The following CALHM3 variants were observed in gnomAD, a reference collection of about 807,000 sequenced individuals.
CALHM3 encodes the protein calcium homeostasis modulator 3.
Under a neutral mutation model 13.6 loss-of-function variants are expected in CALHM3, and 9 were observed. The observed-to-expected ratio is 0.66, with a 90% confidence interval of 0.40 to 1.15. The LOEUF (loss-of-function observed/expected upper bound fraction) is 1.15, where lower values mean the gene tolerates loss of function less well. Among genes scored for constraint, CALHM3 ranks in the 50% most tolerant of loss-of-function variants. CALHM3 has a pLI of 0.01. For synonymous variants in CALHM3, 231 were observed against 213.2 expected (o/e 1.08, Z -0.73); for missense variants, 497 against 463.4 (o/e 1.07, Z -0.67).
chr10:103,473,279 AC>A lies in CALHM3; in HGVS notation c.968del (p.Gly323ValfsTer40). 6.9e-7 allele frequency: 1 copy of A among 1,458,604 alleles called. No individual in the cohort carries two copies. Among genetic ancestry groups the A allele is most frequent in the South Asian group, 1.5e-5 (1 of 68,846 alleles). The allele number at this position is 1,458,604 out of a possible 1,614,324, so 90.4% of individuals were successfully genotyped here. ...DLAASPGLCG[G>X]GLSHRAPTLA... is the part of the protein sequence containing the mutation. Reference sequence around the variant, plus strand: ...AGGTAGGGGCGCGGTGGCTAAGGCCACCCCCGCAGAGCCCGGGGGATGCAGC... The same window carrying A: ...AGGTAGGGGCGCGGTGGCTAAGGCCACCCCGCAGAGCCCGGGGGATGCAGC... On this transcript the variant is annotated frameshift_variant, in exon 3 of 3. Transcript: ENST00000369783. LOFTEE classifies it low-confidence loss of function (END_TRUNC).
Position 103,473,346 on chromosome 10 carries a change from A to C in CALHM3, c.902T>G (p.Leu301Arg), listed in dbSNP as rs1422760130. 3 of 1,505,370 alleles carry C rather than the reference A, an allele frequency of 2.0e-6. No individual in the cohort carries two copies. The highest frequency in any genetic ancestry group is 2.7e-6 in the Non-Finnish European group (3 of 1,121,630). The allele number at this position is 1,505,370 out of a possible 1,614,324, so 93.3% of individuals were successfully genotyped here. A position where few individuals can be genotyped will look rare whatever the true frequency, so the allele number is the denominator to read the frequency against. ...AISSREQVDR[L>R]LSTWYSSKPP... ...CTTGCTGGAGTACCACGTGCTTAGG[A>C]GGCGGTCCACCTGCTCCCGGCTGGA... Residue 301 changes from leucine to arginine, a missense_variant, in exon 3 of 3, where the codon CTC (leucine) becomes CGC (arginine). Transcript: ENST00000369783.
chr10:103,478,609 C>A lies in CALHM3; in HGVS notation c.287+137G>T, dbSNP rs191967318. 170 of 886,780 alleles carry A rather than the reference C, an allele frequency of 1.9e-4. No individual in the cohort carries two copies. The East Asian group carries it at 4.4e-3, about 23-fold the overall frequency. The allele number at this position is 886,780 out of a possible 1,614,324, so 54.9% of individuals were successfully genotyped here. ...TGGGGAAAGGAGAGGGCGCACCTGG[C>A]AGTACCTGTAGGGTGGGTGGAGAAT... On this transcript the variant is annotated intron_variant, in intron 1 of 2. Transcript: ENST00000369783.
In CALHM3 at chr10:103,473,440, G is replaced by C; in HGVS notation, c.808C>G (p.Leu270Val). Reference protein sequence around the residue: ...RRGNAGRRLELPAVPEPPEGL... With the variant: ...RRGNAGRRLEVPAVPEPPEGL... Reference sequence around the variant, plus strand: ...TCTGGGGGCTCAGGCACTGCGGGGAGCTCGAGTCTCCTGCCTGCATTGCCC... The same window carrying C: ...TCTGGGGGCTCAGGCACTGCGGGGACCTCGAGTCTCCTGCCTGCATTGCCC... Residue 270 changes from leucine to valine, a missense_variant, in exon 3 of 3, where the codon CTC becomes GTC. Physicochemically the swap from Leu to Val is conservative, Grantham distance 32. Coordinates refer to ENST00000369783, the MANE Select transcript of CALHM3 (RefSeq NM_001129742.2). 6.5e-7 allele frequency: 1 copy of C among 1,532,454 alleles called. No homozygotes were observed. Among genetic ancestry groups the C allele is most frequent in the South Asian group, 1.2e-5 (1 of 80,760 alleles). The allele number at this position is 1,532,454 out of a possible 1,614,324, so 94.9% of individuals were successfully genotyped here. A position where few individuals can be genotyped will look rare whatever the true frequency, so the allele number is the denominator to read the frequency against.
intron 1 of CALHM3, among the ~76,000 whole-genome samples, chr10:103,478,085 C>A (rs1266716312): frequency 6.6e-6 from 1 of 152,172 alleles, no homozygotes; most frequent in Non-Finnish European, 1.5e-5. Context: ...CATTGTAGAT[C>A]ATAAGACTCC....
chr10:103,473,609 G>C lies in CALHM3; in HGVS notation c.639C>G (p.Arg213=). 1 of 1,551,366 alleles carries C rather than the reference G, an allele frequency of 6.4e-7. No homozygotes were observed. Among genetic ancestry groups the C allele is most frequent in the Non-Finnish European group, 8.7e-7 (1 of 1,147,030 alleles). Residue 213 remains arginine, a synonymous_variant, in exon 3 of 3, where the codon CGC becomes CGG. Coordinates refer to ENST00000369783, the MANE Select transcript of CALHM3 (RefSeq NM_001129742.2). ...GGTCCACGTAGTTGCTCCAGTATCT[G>C]CGCTGCAGGAAGACTGTCTGGTCGA... is the stretch of plus-strand genomic sequence containing the variant. ...PCFDQTVFLQ[R]RYWSNYVDLE...
intron 2 of CALHM3, among the ~76,000 whole-genome samples, chr10:103,474,225 C>T (rs1052158186): frequency 6.6e-6 from 1 of 152,154 alleles, no homozygotes; most frequent in Non-Finnish European, 1.5e-5. Flanking sequence ...CATCTATCCA[C>T]CCATTCAATC....
At chr10:103,478,064 C>T (rs1271663429) in intron 1 of CALHM3, among the ~76,000 whole-genome samples, 9 of 152,182 alleles carry the variant, frequency 5.9e-5, no homozygotes, top group Non-Finnish European at 1.2e-4. Flanking sequence ...ATGATCTGAC[C>T]TACCTAGTTT....
chr10:103,474,835 T>C (rs2033371136), intron 2 of CALHM3, among the ~76,000 whole-genome samples: 1 of 152,196 alleles, frequency 6.6e-6, no homozygotes. Flanking sequence ...TCCACTGTGC[T>C]ATATTTTGTG....
In CALHM3 at chr10:103,478,766, C is replaced by T. The variant is rs1335793060; in HGVS notation, c.267G>A (p.Arg89=). 7 of 1,538,282 alleles carry T rather than the reference C, an allele frequency of 4.6e-6. No homozygotes were observed. The highest frequency in any genetic ancestry group is 6.1e-6 in the Non-Finnish European group (7 of 1,139,570). The part of the protein sequence containing the change: ...EEWRRPAGHR[R]KDPGIIRYMC... Reference sequence around the variant, plus strand: ...CGCACCTGATGATGCCTGGGTCCTTCCTCCGGTGCCCTGCGGGCCGGCGCC... The same window carrying T: ...CGCACCTGATGATGCCTGGGTCCTTTCTCCGGTGCCCTGCGGGCCGGCGCC... The change falls in exon 1 of 3, where the codon AGG becomes AGA. Residue 89 remains arginine (R), a synonymous_variant. Coordinates refer to ENST00000369783, the MANE Select transcript of CALHM3 (RefSeq NM_001129742.2).
intron 2 of CALHM3, among the ~76,000 whole-genome samples, chr10:103,474,951 TAGAG>T (rs764445079): frequency 2.0e-5 from 3 of 152,144 alleles, no homozygotes; most frequent in Non-Finnish European, 2.9e-5. Context: ...GTACTTGTCA[TAGAG>T]AGGGAGTCCA....
rs780132367 is a variant in CALHM3 at position 103,473,390 on chromosome 10, C to T, written c.858G>A (p.Lys286=). Residue 286 remains lysine (K), a synonymous_variant, in exon 3 of 3, where the codon AAG becomes AAA. Transcript: ENST00000369783. ...PPEGLDSGSG[K]AHLRAISSRE... is the part of the protein sequence containing the mutation. ...GGCTGGAGATTGCGCGCAGGTGGGCCTTCCCACTTCCACTATCCAGGCCTT... is the reference window on the plus strand; with the variant it reads ...GGCTGGAGATTGCGCGCAGGTGGGCTTTCCCACTTCCACTATCCAGGCCTT... The T allele has an allele frequency of 1.3e-6, 2 of 1,498,764 alleles. No individual in the cohort carries two copies. Among genetic ancestry groups the T allele is most frequent in the African/African-American group, 1.4e-5 (1 of 71,654 alleles). The allele number at this position is 1,498,764 out of a possible 1,614,324, so 92.8% of individuals were successfully genotyped here.
Position 103,473,497 on chromosome 10 carries a change from G to A in CALHM3, c.751C>T (p.Arg251Trp). Residue 251 changes from arginine to tryptophan, a missense_variant, in exon 3 of 3, where the codon CGG becomes TGG. Transcript: ENST00000369783. ...AGCCCCCGCGCCTGCAGCTCACTCC[G>A]CATGCTGGCAAAGAAGTGCAGCACG... ...RCVLHFFASM[R>W]SELQARGLRR... 2.6e-6 allele frequency: 4 copies of A among 1,550,690 alleles called. No individual in the cohort carries two copies. Among genetic ancestry groups the A allele is most frequent in the Non-Finnish European group, 3.5e-6 (4 of 1,146,762 alleles).
rs1592164713 is a variant in CALHM3 at position 103,479,097 on chromosome 10, G to A, written c.-65C>T. 1.4e-6 allele frequency: 2 copies of A among 1,478,670 alleles called. No individual in the cohort carries two copies. Among genetic ancestry groups the A allele is most frequent in the East Asian group, 4.9e-5 (2 of 40,508 alleles). The allele number at this position is 1,478,670 out of a possible 1,614,324, so 91.6% of individuals were successfully genotyped here. A position where few individuals can be genotyped will look rare whatever the true frequency, so the allele number is the denominator to read the frequency against. On this transcript the variant is annotated 5_prime_UTR_variant, in exon 1 of 3. Coordinates refer to ENST00000369783, the MANE Select transcript of CALHM3 (RefSeq NM_001129742.2). ...CAGTGAGGCTCTGGCCACCTTCCTG[G>A]TGTCTGCTGTGCTGGGGACGAGCCT...
chr10:103,478,729 G>A lies in CALHM3; in HGVS notation c.287+17C>T. The A allele has an allele frequency of 6.7e-7, 1 of 1,498,422 alleles. No homozygotes were observed. The highest frequency in any genetic ancestry group is 1.3e-5 in the South Asian group (1 of 75,378). 92.8% of individuals were successfully genotyped at this position (1,498,422 alleles called of 1,614,324 possible). A position where few individuals can be genotyped will look rare whatever the true frequency, so the allele number is the denominator to read the frequency against. On this transcript the variant is annotated intron_variant, in intron 1 of 2. Transcript: ENST00000369783. Reference sequence around the variant, plus strand: ...CCTGGCAAAGCTCATGGGTCACTGAGTGGTGTGGGACCGCACCTGATGATG... The same window carrying A: ...CCTGGCAAAGCTCATGGGTCACTGAATGGTGTGGGACCGCACCTGATGATG...
At position 103,474,963 on chromosome 10, in the gene CALHM3, C is replaced by A. The variant is rs535222429; in HGVS notation, c.544-1259G>T. 2.2e-4 allele frequency among the ~76,000 whole-genome samples: 33 copies of A among 152,246 alleles called. 1 individual carries two copies. The South Asian group carries it at 6.6e-3, about 31-fold the overall frequency. On this transcript the variant is annotated intron_variant, in intron 2 of 2. Coordinates refer to ENST00000369783, the MANE Select transcript of CALHM3 (RefSeq NM_001129742.2). ...TGGGTACTTGTCATAGAGAGGGAGT[C>A]CAGAGGAGGGACACCCATCCTGACT...
Position 103,476,561 on chromosome 10 carries a change from G to A in CALHM3, c.288-12C>T, listed in dbSNP as rs1351938065. 3 of 1,550,384 alleles carry A rather than the reference G, an allele frequency of 1.9e-6. No individual in the cohort carries two copies. The highest frequency in any genetic ancestry group is 2.0e-5 in the Admixed American group (1 of 50,980). ...AGGAGCACATGTACCTGGCAGCAGA[G>A]GAAGGAGGGGGGTCAAGGGGCAGCT... On this transcript the variant is annotated splice_polypyrimidine_tract_variant and intron_variant, in intron 1 of 2. Transcript: ENST00000369783.
At chr10:103,476,649 C>T (rs890602392) in intron 1 of CALHM3, 100 bp from the exon 2 acceptor site, 3 of 1,375,842 alleles carry the variant, frequency 2.2e-6, no homozygotes, top group Non-Finnish European at 2.0e-6. Flanking sequence ...GGCTGGGTTA[C>T]ATCAGACTGC....
intron 1 of CALHM3, among the ~76,000 whole-genome samples, 170 bp downstream of exon 1, chr10:103,478,576 T>C (rs1006908681): frequency 6.6e-6 from 1 of 152,212 alleles, no homozygotes; most frequent in East Asian, 1.9e-4. Context: ...GAGCCGATAA[T>C]TCCTAGTTGG....
chr10:103,475,916 C>T (rs1161207290), intron 2 of CALHM3, among the ~76,000 whole-genome samples: 5 of 152,286 alleles, frequency 3.3e-5, no homozygotes, highest in East Asian at 1.9e-4. Context: ...ACACTCCTTC[C>T]GATCCCTGCT....
Sources: gnomAD v4.1 joint callset for allele counts (sites outside exome capture counted in the v4.1 genomes callset) on GRCh38, gnomAD v4.1.1 for gene constraint, MANE v1.5 for transcripts, NCBI Gene and HGNC (gene_info 2026-07-23, HGNC 2026-07-21) for gene names.